CCDC141: variants seen among roughly 807,000 people sequenced by gnomAD.
CCDC141 encodes coiled-coil domain-containing protein 141.
A neutral mutation model predicts 181.0 loss-of-function variants in CCDC141; 168 were observed. The ratio of observed to expected loss-of-function variants is 0.93; its 90% CI spans 0.82 to 1.05. The LOEUF (loss-of-function observed/expected upper bound fraction) is 1.05, where lower values mean the gene tolerates loss of function less well. CCDC141 is among the 50% of genes least tolerant of loss of function. The pLI, the probability that CCDC141 is intolerant of heterozygous loss-of-function variation, is 0.00. For missense variants in CCDC141, 1,902 were observed against 1,788.5 expected (o/e 1.06, Z -1.14); for synonymous variants, 666 against 642.3 (o/e 1.04, Z -0.56).
At chr2:179,029,867 G>C (rs1307094429) in intron 2 of CCDC141, among the ~76,000 whole-genome samples, 10 of 152,064 alleles carry the variant, frequency 6.6e-5, no homozygotes, top group Admixed American at 6.6e-4. Flanking sequence ...GTTCTTGGAA[G>C]AAAAAGAAAA....
intron 2 of CCDC141, among the ~76,000 whole-genome samples, chr2:179,005,866 T>C (rs748832605): frequency 2.6e-5 from 4 of 152,198 alleles, no homozygotes; most frequent in Non-Finnish European, 5.9e-5. Flanking sequence ...CACCTTGGCC[T>C]CCCAAAGTGC....
chr2:178,937,986 C>T (rs1438027314), intron 6 of CCDC141, among the ~76,000 whole-genome samples: 1 of 151,924 alleles, frequency 6.6e-6, no homozygotes, highest in Admixed American at 6.6e-5. Flanking sequence ...AGCCAATCTA[C>T]CTTATTAAGT....
chr2:178,954,070 T>C (rs981681642), intron 5 of CCDC141, among the ~76,000 whole-genome samples: 5 of 152,262 alleles, frequency 3.3e-5, no homozygotes, highest in African/African-American at 1.2e-4. Context: ...ATATGTGATC[T>C]GGGTGGTAAA....
intron 2 of CCDC141, among the ~76,000 whole-genome samples, chr2:179,041,641 A>G (rs2592566): frequency 0.49 from 73,965 of 151,564 alleles, 21,108 homozygotes; most frequent in Non-Finnish European, 0.64. Flanking sequence ...AAGAACCAAG[A>G]TCCATTGGTA....
rs536886014 is a variant in CCDC141 at position 179,028,297 on chromosome 2, C to T, written c.225+18987G>A. Among the ~76,000 whole-genome samples the T allele has an allele frequency of 3.5e-3, 528 of 152,318 alleles. 3 individuals carry two copies. The highest frequency in any genetic ancestry group is 0.012 in the African/African-American group (508 of 41,578). ...AGATTCATAGCAAATGAACTCTTCA[C>T]TAACACTCACACTATACTTTATAAG... On this transcript the variant is annotated intron_variant, in intron 2 of 23. Transcript: ENST00000443758.
At chr2:179,008,951 C>A (rs1331659372) in intron 2 of CCDC141, among the ~76,000 whole-genome samples, 1 of 152,176 alleles carries the variant, frequency 6.6e-6, no homozygotes, top group Non-Finnish European at 1.5e-5. Flanking sequence ...GCATATGAGG[C>A]CTTCTGCATT....
intron 2 of CCDC141, among the ~76,000 whole-genome samples, chr2:179,039,072 CT>C (rs1323325002): frequency 6.6e-6 from 1 of 152,184 alleles, no homozygotes; most frequent in African/African-American, 2.4e-5. Context: ...TGGAATCCTT[CT>C]TTTTCATTAT....
intron 6 of CCDC141, among the ~76,000 whole-genome samples, chr2:178,924,734 T>A (rs191291690): frequency 6.6e-6 from 1 of 152,318 alleles, no homozygotes; most frequent in East Asian, 1.9e-4. Flanking sequence ...ACCCTCACTA[T>A]GATGCAGTCC....
rs1347427565 is a variant in CCDC141, at chr2:178,837,125, G to A, written c.4094C>T (p.Ser1365Phe). The A allele has an allele frequency of 2.5e-6, 4 of 1,613,854 alleles. No individual in the cohort carries two copies. The highest frequency in any genetic ancestry group is 3.4e-6 in the Non-Finnish European group (4 of 1,179,954). The change falls in exon 23 of 24, where the codon TCC becomes TTC. Residue 1365 changes from serine (S) to phenylalanine (F), a missense_variant. Physicochemically the swap from Ser to Phe is radical, Grantham distance 155. Transcript: ENST00000443758. ...CCTGAGGCCCGAGAATGCATCAGAG[G>A]AAGCATGCAGCCTATCTTGGGTTTT... ...FTKTQDRLHA[S>F]SDAFSGLRFQ...
chr2:178,983,665 A>T (rs550603754), intron 2 of CCDC141, among the ~76,000 whole-genome samples: 12 of 151,222 alleles, frequency 7.9e-5, no homozygotes, highest in Non-Finnish European at 2.9e-5. Context: ...CTACGTGAAG[A>T]ATGCAGAAGC....
rs538889522 is a variant in CCDC141 at position 179,045,083 on chromosome 2, C to T, written c.225+2201G>A. ...TATGCAGGTTAGTTACATATGTATA[C>T]ATGTGCCATGCTGGTGCACTGCACC... On this transcript the variant is annotated intron_variant, in intron 2 of 23. Transcript: ENST00000443758. 1.7e-3 allele frequency among the ~76,000 whole-genome samples: 259 copies of T among 150,262 alleles called. 3 individuals are homozygous for T. Among genetic ancestry groups the T allele is most frequent in the African/African-American group, 5.8e-3 (236 of 40,772 alleles).
In CCDC141 at chr2:179,014,952, C is replaced by T. The variant is rs371715856; in HGVS notation, c.225+32332G>A. 4.4e-4 allele frequency among the ~76,000 whole-genome samples: 66 copies of T among 150,288 alleles called. 1 individual carries two copies. The South Asian group carries it at 0.012, about 28-fold the overall frequency. On this transcript the variant is annotated intron_variant, in intron 2 of 23. Transcript: ENST00000443758. The stretch of plus-strand genomic sequence containing the variant: ...ACCCAGAGGAAAAGAAATCATTATT[C>T]GAAAAAGTTACTTACACATTCATGT...
intron 2 of CCDC141, among the ~76,000 whole-genome samples, chr2:179,016,240 C>T (rs564861817): frequency 9.2e-5 from 14 of 151,812 alleles, no homozygotes; most frequent in East Asian, 1.9e-4. Flanking sequence ...AAATATGATG[C>T]GGTGTATACT....
chr2:179,016,322 C>A (rs2042540067), intron 2 of CCDC141, among the ~76,000 whole-genome samples: 2 of 151,976 alleles, frequency 1.3e-5, no homozygotes, highest in South Asian at 2.1e-4. Context: ...CAAATACCAC[C>A]TGTACCCTAG....
At chr2:178,878,526 C>T (rs1371227429) in intron 11 of CCDC141, among the ~76,000 whole-genome samples, 2 of 140,600 alleles carry the variant, frequency 1.4e-5, no homozygotes, top group Non-Finnish European at 3.0e-5. Flanking sequence ...GCTATGTTGC[C>T]CAGGTTGGTC....
At chr2:179,032,007 G>A (rs2043013073) in intron 2 of CCDC141, among the ~76,000 whole-genome samples, 1 of 152,034 alleles carries the variant, frequency 6.6e-6, no homozygotes, top group East Asian at 1.9e-4. Flanking sequence ...AAAAATCACA[G>A]AACCATCTAT....
At position 178,993,272 on chromosome 2, in the gene CCDC141, A is replaced by G. The variant is rs151170272; in HGVS notation, c.226-14597T>C. On this transcript the variant is annotated intron_variant, in intron 2 of 23. Transcript: ENST00000443758. ...TACATTGCTGATAAAGACATACCCCAGACTGGGGAATTTACAAAGGAAAGA... is the reference window on the plus strand; with the variant it reads ...TACATTGCTGATAAAGACATACCCCGGACTGGGGAATTTACAAAGGAAAGA... 4.1e-3 allele frequency among the ~76,000 whole-genome samples: 631 copies of G among 152,334 alleles called. 5 individuals are homozygous for G. The highest frequency in any genetic ancestry group is 0.015 in the African/African-American group (603 of 41,582).
intron 4 of CCDC141, among the ~76,000 whole-genome samples, chr2:178,965,475 C>A (rs1353942108): frequency 6.6e-6 from 1 of 152,144 alleles, no homozygotes; most frequent in Admixed American, 6.5e-5. Flanking sequence ...CCATGGAAGG[C>A]GAGCCAAAGC....
chr2:178,917,290 T>C (rs1352120024), intron 7 of CCDC141, among the ~76,000 whole-genome samples: 1 of 152,218 alleles, frequency 6.6e-6, no homozygotes, highest in Non-Finnish European at 1.5e-5. Context: ...TCTAATTAGT[T>C]CAATAGCTCC....
Sources: gnomAD v4.1 joint callset for allele counts (sites outside exome capture counted in the v4.1 genomes callset) on GRCh38, gnomAD v4.1.1 for gene constraint, MANE v1.5 for transcripts, NCBI Gene and HGNC (gene_info 2026-07-23, HGNC 2026-07-21) for gene names.